The following TCF7L1 variants were observed in gnomAD, a reference collection of about 807,000 sequenced individuals.
TCF7L1 encodes transcription factor 7-like 1.
TCF7L1 carries 18 observed loss-of-function variants against 63.7 expected under a neutral mutation model. The ratio of observed to expected loss-of-function variants is 0.28; its 90% confidence interval spans 0.20 to 0.42. The LOEUF (loss-of-function observed/expected upper bound fraction) is 0.42. TCF7L1 is among the 10% of genes least tolerant of loss of function. The pLI is 1.00. For synonymous variants in TCF7L1, 355 were observed against 340.9 expected (o/e 1.04, Z -0.46); for missense variants, 654 against 779.3 (o/e 0.84, Z 1.91).
At chr2:85,144,912 C>T (rs1466504453) in intron 3 of TCF7L1, among the ~76,000 whole-genome samples, 3 of 151,536 alleles carry the variant, frequency 2.0e-5, no homozygotes, top group Non-Finnish European at 2.9e-5. Context: ...GGTGAAACCC[C>T]GTCTCTACTA....
At chr2:85,263,486 G>A (rs1680902780) in intron 3 of TCF7L1, among the ~76,000 whole-genome samples, 1 of 152,198 alleles carries the variant, frequency 6.6e-6, no homozygotes, top group African/African-American at 2.4e-5. Flanking sequence ...TTGGTCCCCT[G>A]TCAGTTGTAG....
chr2:85,305,863 C>T (rs1483957513), intron 8 of TCF7L1, among the ~76,000 whole-genome samples: 1 of 152,122 alleles, frequency 6.6e-6, no homozygotes, highest in African/African-American at 2.4e-5. Flanking sequence ...AACCCCCTCC[C>T]AACTTGGTTC....
chr2:85,165,867 C>T (rs972533842), intron 3 of TCF7L1, among the ~76,000 whole-genome samples: 1 of 152,178 alleles, frequency 6.6e-6, no homozygotes, highest in South Asian at 2.1e-4. Flanking sequence ...AAAACTAGAA[C>T]ATCAACACTG....
In TCF7L1 at chr2:85,187,963, A is replaced by G. The variant is rs568128922; in HGVS notation, c.441+53513A>G. ...GGAATACAGCAATAAAAAAGAAAAA[A>G]TTATTGATCACATGCAACAATATAG... is the stretch of plus-strand genomic sequence containing the variant. On this transcript the variant is annotated intron_variant, in intron 3 of 11. Transcript: ENST00000282111. 1.6e-4 allele frequency among the ~76,000 whole-genome samples: 25 copies of G among 152,338 alleles called. No homozygotes were observed. In the East Asian group the frequency reaches 4.8e-3, roughly 29 times the overall value.
Position 85,133,975 on chromosome 2 carries a change from G to A in TCF7L1, c.250-41G>A, listed in dbSNP as rs756180881. The A allele has an allele frequency of 2.5e-6, 4 of 1,585,394 alleles. No individual in the cohort carries two copies. The highest frequency in any genetic ancestry group is 1.7e-4 in the Middle Eastern group (1 of 6,022). ...GCCACCCCCGGGGGATCCCGGCCCTGCGTCCGCTCACCCGCTCTTGCCTTT... is the reference window on the plus strand; with the variant it reads ...GCCACCCCCGGGGGATCCCGGCCCTACGTCCGCTCACCCGCTCTTGCCTTT... On this transcript the variant is annotated intron_variant, in intron 1 of 11. Coordinates refer to ENST00000282111, the MANE Select transcript of TCF7L1 (RefSeq NM_031283.3). This position sits in a 1 kb window ranked among gnomAD's most constrained non-coding sequence, Gnocchi z 4.4.
intron 3 of TCF7L1, among the ~76,000 whole-genome samples, chr2:85,201,089 C>G (rs1679258912): frequency 6.6e-6 from 1 of 152,136 alleles, no homozygotes; most frequent in South Asian, 2.1e-4. Flanking sequence ...GTAATTCCAG[C>G]TACTCAGGAG....
intron 3 of TCF7L1, among the ~76,000 whole-genome samples, chr2:85,215,017 T>C (rs567929303): frequency 8.5e-5 from 13 of 152,276 alleles, no homozygotes; most frequent in South Asian, 4.1e-4. Flanking sequence ...TCTTCCTAGT[T>C]TGACCATCAA....
At chr2:85,254,033 T>C (rs1008489350) in intron 3 of TCF7L1, among the ~76,000 whole-genome samples, 6 of 152,134 alleles carry the variant, frequency 3.9e-5, no homozygotes, top group Admixed American at 3.3e-4. Flanking sequence ...CCTCTTGCCA[T>C]GAGAGCCCCA....
At chr2:85,228,851 TA>T (rs1046062620) in intron 3 of TCF7L1, among the ~76,000 whole-genome samples, 160 of 138,622 alleles carry the variant, frequency 1.2e-3, no homozygotes, top group Middle Eastern at 4.0e-3. Context: ...CCATCTCTCC[TA>T]AAAAAAAAAA....
chr2:85,271,461 C>G (rs1387796985), intron 3 of TCF7L1, among the ~76,000 whole-genome samples: 1 of 152,146 alleles, frequency 6.6e-6, no homozygotes, highest in Non-Finnish European at 1.5e-5. Flanking sequence ...TACCTATATC[C>G]AGGAGTCAGT....
At chr2:85,291,652 C>T (rs987585543) in intron 4 of TCF7L1, among the ~76,000 whole-genome samples, 2 of 152,212 alleles carry the variant, frequency 1.3e-5, no homozygotes, top group African/African-American at 2.4e-5. Context: ...ATGATCTCAG[C>T]TCACTGCAAC....
At chr2:85,262,392 GA>G (rs34479100) in intron 3 of TCF7L1, 25,142 of 306,902 alleles carry the variant, frequency 0.082, 366 homozygotes, top group Middle Eastern at 0.11. Context: ...TCTCTTAAAA[GA>G]AAAAAAAAAA....
intron 4 of TCF7L1, among the ~76,000 whole-genome samples, chr2:85,291,188 C>T (rs906034040): frequency 6.6e-6 from 1 of 152,174 alleles, no homozygotes; most frequent in African/African-American, 2.4e-5. Context: ...TAGGAACACA[C>T]CTTCTCATTT....
At chr2:85,274,176 G>T (rs1681218911) in intron 3 of TCF7L1, among the ~76,000 whole-genome samples, 1 of 152,192 alleles carries the variant, frequency 6.6e-6, no homozygotes, top group Non-Finnish European at 1.5e-5. Flanking sequence ...GCTGGGCAGT[G>T]AGCATAGACA....
chr2:85,301,451 C>G (rs1171839502), intron 4 of TCF7L1, among the ~76,000 whole-genome samples: 12 of 152,144 alleles, frequency 7.9e-5, no homozygotes, highest in South Asian at 4.1e-4. Context: ...AATAAAAAGC[C>G]TTATGGATAA....
chr2:85,137,313 C>T (rs1677618150), intron 3 of TCF7L1, among the ~76,000 whole-genome samples: 1 of 152,160 alleles, frequency 6.6e-6, no homozygotes, highest in Non-Finnish European at 1.5e-5. Context: ...GGCCATCTCT[C>T]CCCATGAGCC....
chr2:85,172,536 C>G (rs1031626957), intron 3 of TCF7L1, among the ~76,000 whole-genome samples: 7 of 152,212 alleles, frequency 4.6e-5, no homozygotes, highest in Non-Finnish European at 1.0e-4. Context: ...AAGCGATTCT[C>G]CTGCCTCAGC....
At chr2:85,202,110 A>G (rs901317339) in intron 3 of TCF7L1, among the ~76,000 whole-genome samples, 6 of 151,968 alleles carry the variant, frequency 3.9e-5, no homozygotes, top group African/African-American at 1.5e-4. Flanking sequence ...CTACAGGCAC[A>G]TGTCACCATG....
intron 3 of TCF7L1, among the ~76,000 whole-genome samples, chr2:85,169,997 G>T (rs1318862385): frequency 1.3e-5 from 2 of 152,224 alleles, no homozygotes; most frequent in Admixed American, 1.3e-4. Context: ...ATACTTTCTT[G>T]TTACTAAAAG....
Sources: allele counts gnomAD v4.1 joint callset (sites outside exome capture counted in the v4.1 genomes callset), GRCh38; gene constraint gnomAD v4.1.1; non-coding constraint Gnocchi (gnomAD v3.1); transcripts MANE v1.5; gene names NCBI Gene and HGNC (gene_info 2026-07-23, HGNC 2026-07-21).